Variants in AASDH observed in about 807,000 individuals in gnomAD.
The protein encoded by AASDH is beta-alanine-activating enzyme.
Under a neutral mutation model 102.3 loss-of-function variants are expected in AASDH, and 81 were observed. The ratio of observed to expected loss-of-function variants is 0.79; its 90% CI spans 0.66 to 0.95. AASDH has a LOEUF of 0.95. Ranked by LOEUF, AASDH falls within the 40% of genes least tolerant of loss-of-function variation. The probability of loss-of-function intolerance (pLI) is 0.00; values close to 1 mark genes in which losing one functional copy is unlikely to be tolerated. For missense variants in AASDH, 1,203 were observed against 1,266.2 expected (o/e 0.95, Z 0.76); for synonymous variants, 398 against 454.0 (o/e 0.88, Z 1.57).
chr4:56,381,998 TTA>T (rs1753023809), intron 3 of AASDH: 1 of 152,226 alleles, frequency 6.6e-6, no homozygotes, highest in African/African-American at 2.4e-5. Context: ...AAATGCAAGC[TTA>T]GTTATAATTC....
Position 56,376,607 on chromosome 4 carries a change from C to A in AASDH, c.668+1541G>T, listed in dbSNP as rs1159622387. ...CATCCAATACCATAGGTCCACTGAG[C>A]ACTAAGAATATGGCTAGTCCACGTT... On this transcript the variant is annotated intron_variant, in intron 4 of 14. Coordinates refer to ENST00000205214, the MANE Select transcript of AASDH (RefSeq NM_181806.4). Among the ~76,000 whole-genome samples the A allele has an allele frequency of 2.0e-5, 3 of 152,066 alleles. No individual in the cohort carries two copies. The East Asian group carries it at 5.8e-4, about 29-fold the overall frequency.
intron 5 of AASDH, among the ~76,000 whole-genome samples, chr4:56,364,007 C>A (rs2109939297): frequency 6.6e-6 from 1 of 152,086 alleles, no homozygotes; most frequent in Non-Finnish European, 1.5e-5. Context: ...CTAGAATAAC[C>A]AATGCAGAGA....
chr4:56,384,259 T>C lies in AASDH; in HGVS notation c.41A>G (p.Tyr14Cys), dbSNP rs1181115668. Residue 14 changes from tyrosine to cysteine, a missense_variant, in exon 2 of 15, where the codon TAT (tyrosine) becomes TGT (cysteine). Physicochemically the swap from Tyr to Cys is radical, Grantham distance 194. Transcript: ENST00000205214. ...QELVHKAASC[Y>C]MDRVAVCFDE... The stretch of plus-strand genomic sequence containing the variant: ...AAAACATACAGCTACTCTGTCCATA[T>C]AACAGGAGGCAGCCTTATGCACCAA... The C allele has an allele frequency of 2.5e-6, 4 of 1,613,980 alleles. No individual in the cohort carries two copies. The highest frequency in any genetic ancestry group is 2.2e-5 in the East Asian group (1 of 44,872).
intron 5 of AASDH, among the ~76,000 whole-genome samples, chr4:56,362,771 C>T (rs1040543298): frequency 1.3e-5 from 2 of 152,090 alleles, no homozygotes; most frequent in South Asian, 2.1e-4. Context: ...CCAAGATGGC[C>T]GAATAGGAGC....
At position 56,349,365 on chromosome 4, in the gene AASDH, C is replaced by T; in HGVS notation, c.2386G>A (p.Ala796Thr). 1 of 1,614,176 alleles carries T rather than the reference C, an allele frequency of 6.2e-7. No homozygotes were observed. The highest frequency in any genetic ancestry group is 8.5e-7 in the Non-Finnish European group (1 of 1,180,038). ...YIGSHSHRMKAVDFYSGKVKW... is the reference protein window; with the variant it reads ...YIGSHSHRMKTVDFYSGKVKW... Reference sequence around the variant, plus strand: ...ACCTTCCCAGAGTAAAAGTCAACTGCCTTCATTCTATGAGAATGGGAACCA... The same window carrying T: ...ACCTTCCCAGAGTAAAAGTCAACTGTCTTCATTCTATGAGAATGGGAACCA... Residue 796 changes from alanine to threonine, a missense_variant, in exon 11 of 15, where the codon GCA becomes ACA. By Grantham distance (58) the Ala-to-Thr change is moderately conservative. Transcript: ENST00000205214.
chr4:56,360,762 AACAG>A (rs1282569452), intron 5 of AASDH, among the ~76,000 whole-genome samples: 2 of 152,252 alleles, frequency 1.3e-5, no homozygotes, highest in Admixed American at 1.3e-4. Flanking sequence ...ACGGAGTTGT[AACAG>A]ACAACCTGAA....
chr4:56,342,503 T>TAAA (rs1198212972), intron 14 of AASDH, among the ~76,000 whole-genome samples: 1 of 152,062 alleles, frequency 6.6e-6, no homozygotes, highest in Non-Finnish European at 1.5e-5. Flanking sequence ...TAAAACAGGC[T>TAAA]AAAAACTGGT....
rs932622420 is a variant in AASDH at position 56,349,831 on chromosome 4, C to T, written c.1920G>A (p.Lys640=). ...VVPDEDVTFR[K]SCATKRKLSD... ...TGAGTTTCCTTTTTGTGGCACAACTCTTCCTGAATGTCACATCTTCATCTG... is the reference window on the plus strand; with the variant it reads ...TGAGTTTCCTTTTTGTGGCACAACTTTTCCTGAATGTCACATCTTCATCTG... The change falls in exon 11 of 15, where the codon AAG becomes AAA. Residue 640 remains lysine (K), a synonymous_variant. Coordinates refer to ENST00000205214, the MANE Select transcript of AASDH (RefSeq NM_181806.4). 3 of 1,614,160 alleles carry T rather than the reference C, an allele frequency of 1.9e-6. No individual in the cohort carries two copies. The highest frequency in any genetic ancestry group is 1.7e-6 in the Non-Finnish European group (2 of 1,180,014).
rs371281362 is a variant in AASDH at position 56,359,701 on chromosome 4, G to A, written c.862-4278C>T. ...AGCCTCCTCAGTAGCTGGGATTACAGGCATGCACCACCGTGCCCAGCTAAT... is the reference window on the plus strand; with the variant it reads ...AGCCTCCTCAGTAGCTGGGATTACAAGCATGCACCACCGTGCCCAGCTAAT... On this transcript the variant is annotated intron_variant, in intron 5 of 14. Transcript: ENST00000205214. 3.1e-3 allele frequency among the ~76,000 whole-genome samples: 473 copies of A among 152,130 alleles called. 3 individuals are homozygous for A. Among genetic ancestry groups the A allele is most frequent in the African/African-American group, 0.011 (453 of 41,506 alleles).
chr4:56,367,915 A>T (rs2109957406), intron 5 of AASDH, among the ~76,000 whole-genome samples: 1 of 152,196 alleles, frequency 6.6e-6, no homozygotes, highest in African/African-American at 2.4e-5. Context: ...AGAAACTACC[A>T]TCAGAGTGAA....
chr4:56,386,495 C>CT, intron 1 of AASDH, among the ~76,000 whole-genome samples: 1 of 152,050 alleles, frequency 6.6e-6, no homozygotes, highest in Non-Finnish European at 1.5e-5. Context: ...TGTTTGAGAC[C>CT]TTAAAAAGGA....
At chr4:56,354,901 G>GA in intron 6 of AASDH, 90 bp from the exon 7 acceptor site, 16 of 1,111,172 alleles carry the variant, frequency 1.4e-5, no homozygotes, top group South Asian at 3.5e-5. Context: ...ACCAAATAAA[G>GA]AAAAAAAAGT....
At chr4:56,384,479 T>G (rs1388288465) in intron 1 of AASDH, 138 bp from the exon 2 acceptor site, 2 of 572,016 alleles carry the variant, frequency 3.5e-6, no homozygotes, top group East Asian at 5.8e-5. Context: ...TCTGAACTTA[T>G]GAAATTATGG....
intron 5 of AASDH, among the ~76,000 whole-genome samples, chr4:56,365,793 C>T (rs1750922361): frequency 6.6e-6 from 1 of 152,154 alleles, no homozygotes; most frequent in Admixed American, 6.5e-5. Flanking sequence ...GACAACCTAA[C>T]ATCTTAATTA....
chr4:56,361,299 C>T (rs561391463), intron 5 of AASDH, among the ~76,000 whole-genome samples: 2 of 152,170 alleles, frequency 1.3e-5, no homozygotes, highest in South Asian at 2.1e-4. Flanking sequence ...TTCCCAGCTA[C>T]TTGGGAGGCT....
chr4:56,365,574 A>G (rs1750893257), intron 5 of AASDH, among the ~76,000 whole-genome samples: 1 of 152,038 alleles, frequency 6.6e-6, no homozygotes, highest in Non-Finnish European at 1.5e-5. Context: ...CTCACTCAAA[A>G]CCGCTCAACT....
chr4:56,381,791 C>CTG, intron 3 of AASDH: 4 of 151,986 alleles, frequency 2.6e-5, no homozygotes, highest in African/African-American at 9.7e-5. Flanking sequence ...TGTTCTTCCC[C>CTG]TTTAGTAAAA....
rs546115701 is a variant in AASDH at position 56,368,312 on chromosome 4, G to A, written c.861+3139C>T. Among the ~76,000 whole-genome samples, 663 of 152,234 alleles carry A rather than the reference G, an allele frequency of 4.4e-3. 4 individuals are homozygous for A. The highest frequency in any genetic ancestry group is 0.015 in the African/African-American group (629 of 41,528). On this transcript the variant is annotated intron_variant, in intron 5 of 14. Coordinates refer to ENST00000205214, the MANE Select transcript of AASDH (RefSeq NM_181806.4). ...TAACCATTGTGGAAGTCAGTGTGGC[G>A]ATTCCTCAGGGATCTAGAACTAGAA...
At chr4:56,355,546 A>C (rs1749513833) in intron 5 of AASDH, 123 bp from the exon 6 acceptor site, 1 of 887,946 alleles carries the variant, frequency 1.1e-6, no homozygotes, top group African/African-American at 1.7e-5. Context: ...GTGTTTATCA[A>C]ATGGGAAATC....
Sources: gnomAD v4.1 joint callset for allele counts (sites outside exome capture counted in the v4.1 genomes callset) on GRCh38, gnomAD v4.1.1 for gene constraint, MANE v1.5 for transcripts, NCBI Gene and HGNC (gene_info 2026-07-23, HGNC 2026-07-21) for gene names.